Variants in LDB2 observed in about 807,000 individuals in gnomAD.
The protein encoded by LDB2 is LIM domain binding 2, also known as LIM domain-binding protein 2.
Under a neutral mutation model 44.3 loss-of-function variants are expected in LDB2, and 12 were observed. The observed-to-expected ratio is 0.27, with a 90% CI of 0.17 to 0.44. The LOEUF is 0.44. Ranked by LOEUF, LDB2 falls within the 20% of genes least tolerant of loss-of-function variation. The probability of loss-of-function intolerance (pLI) is 1.00; values close to 1 mark genes in which losing one functional copy is unlikely to be tolerated. For missense variants in LDB2, 344 were observed against 473.5 expected (o/e 0.73, Z 2.54); for synonymous variants, 164 against 174.8 (o/e 0.94, Z 0.49).
At chr4:16,736,334 A>T (rs1002366223) in intron 2 of LDB2, among the ~76,000 whole-genome samples, 5 of 152,210 alleles carry the variant, frequency 3.3e-5, no homozygotes, top group Admixed American at 2.6e-4. Flanking sequence ...TAGACTCAAC[A>T]CACAACACTC....
intron 5 of LDB2, among the ~76,000 whole-genome samples, chr4:16,524,510 C>G (rs1727490456): frequency 6.6e-6 from 1 of 152,120 alleles, no homozygotes; most frequent in Non-Finnish European, 1.5e-5. Context: ...CATTGGAAAC[C>G]ACCACATCGT....
chr4:16,879,837 C>A, intron 1 of LDB2, among the ~76,000 whole-genome samples: 1 of 152,244 alleles, frequency 6.6e-6, no homozygotes, highest in Non-Finnish European at 1.5e-5. Flanking sequence ...ACCCTAGAAA[C>A]AGGAAGCCAA....
chr4:16,685,589 A>G (rs1199343695), intron 2 of LDB2, among the ~76,000 whole-genome samples: 1 of 152,192 alleles, frequency 6.6e-6, no homozygotes, highest in African/African-American at 2.4e-5. Flanking sequence ...GAAATTAAGT[A>G]GCAGGGGGAA....
At chr4:16,667,533 C>T (rs967637028) in intron 2 of LDB2, among the ~76,000 whole-genome samples, 4 of 152,302 alleles carry the variant, frequency 2.6e-5, no homozygotes, top group Non-Finnish European at 4.4e-5. Flanking sequence ...CCACCCACTG[C>T]AAAACAGGAG....
intron 2 of LDB2, among the ~76,000 whole-genome samples, chr4:16,705,075 TTC>T (rs1462669202): frequency 4.6e-5 from 7 of 152,184 alleles, no homozygotes; most frequent in Non-Finnish European, 8.8e-5. Flanking sequence ...ATAAAATGAT[TTC>T]TGTTATTAAT....
intron 2 of LDB2, among the ~76,000 whole-genome samples, chr4:16,750,127 C>G: frequency 6.6e-6 from 1 of 152,130 alleles, no homozygotes; most frequent in Admixed American, 6.5e-5. Context: ...TACAATTTTT[C>G]ATTGTTGTGA....
chr4:16,605,837 A>G (rs1262080215), intron 2 of LDB2, among the ~76,000 whole-genome samples: 3 of 152,186 alleles, frequency 2.0e-5, no homozygotes, highest in Admixed American at 1.3e-4. Flanking sequence ...GGAGTCAGGA[A>G]ATGGAGGAGC....
At chr4:16,784,861 A>G (rs1774046678) in intron 1 of LDB2, among the ~76,000 whole-genome samples, 1 of 152,128 alleles carries the variant, frequency 6.6e-6, no homozygotes, top group Non-Finnish European at 1.5e-5. Flanking sequence ...AATGTCAGAA[A>G]ACAATCGTTT....
At chr4:16,508,413 C>T (rs981289213) in intron 7 of LDB2, 122 bp downstream of exon 7, 1 of 911,888 alleles carries the variant, frequency 1.1e-6, no homozygotes, top group South Asian at 2.6e-5. Flanking sequence ...TTTATCCCTC[C>T]CCCACCTCCA....
intron 2 of LDB2, among the ~76,000 whole-genome samples, chr4:16,615,803 A>G (rs1444483704): frequency 3.3e-5 from 5 of 152,222 alleles, no homozygotes; most frequent in Admixed American, 6.5e-5. Context: ...CGTCCTCCCA[A>G]GGCTCCTTAG....
chr4:16,590,126 C>T (rs376556930), intron 3 of LDB2, among the ~76,000 whole-genome samples: 8 of 152,122 alleles, frequency 5.3e-5, no homozygotes, highest in Non-Finnish European at 1.2e-4. Flanking sequence ...GCTTCACTAG[C>T]GGCGGCTTCT....
At chr4:16,740,335 G>T (rs1045495753) in intron 2 of LDB2, among the ~76,000 whole-genome samples, 4 of 152,130 alleles carry the variant, frequency 2.6e-5, no homozygotes, top group Non-Finnish European at 4.4e-5. Context: ...TATTCCTGGC[G>T]CATACTGCCC....
intron 5 of LDB2, among the ~76,000 whole-genome samples, chr4:16,545,544 G>A (rs898596115): frequency 2.0e-5 from 3 of 152,074 alleles, no homozygotes; most frequent in African/African-American, 7.2e-5. Flanking sequence ...GGATAAATCC[G>A]CTTCAATTAT....
intron 5 of LDB2, among the ~76,000 whole-genome samples, chr4:16,515,071 G>A (rs914347295): frequency 2.0e-5 from 3 of 152,206 alleles, no homozygotes; most frequent in African/African-American, 7.2e-5. Flanking sequence ...TAAAGAAAAT[G>A]TGGTACACAT....
intron 1 of LDB2, among the ~76,000 whole-genome samples, chr4:16,760,267 G>A (rs1767603797): frequency 6.6e-6 from 1 of 152,118 alleles, no homozygotes; most frequent in Non-Finnish European, 1.5e-5. Context: ...ACTGAGTCCT[G>A]GCAGAGATAC....
At chr4:16,577,385 A>G (rs1477491119) in intron 5 of LDB2, among the ~76,000 whole-genome samples, 1 of 152,184 alleles carries the variant, frequency 6.6e-6, no homozygotes, top group Non-Finnish European at 1.5e-5. Flanking sequence ...AAAGTTGCGC[A>G]ATACAAAATC....
At chr4:16,870,915 T>C (rs1010172617) in intron 1 of LDB2, among the ~76,000 whole-genome samples, 41 of 152,282 alleles carry the variant, frequency 2.7e-4, no homozygotes, top group Admixed American at 1.7e-3. Flanking sequence ...ATTACAGGCA[T>C]GAGCCACCAT....
At chr4:16,777,965 T>A (rs1212406546) in intron 1 of LDB2, among the ~76,000 whole-genome samples, 1 of 152,196 alleles carries the variant, frequency 6.6e-6, no homozygotes, top group African/African-American at 2.4e-5. Context: ...ATCTTGTCCC[T>A]GCCCTGCCTT....
chr4:16,627,231 T>C (rs1730515362), intron 2 of LDB2, among the ~76,000 whole-genome samples: 1 of 152,214 alleles, frequency 6.6e-6, no homozygotes, highest in African/African-American at 2.4e-5. Flanking sequence ...ACACGTTATA[T>C]GCTTAAAACA....
Sources: allele counts gnomAD v4.1 joint callset (sites outside exome capture counted in the v4.1 genomes callset), GRCh38; gene constraint gnomAD v4.1.1; transcripts MANE v1.5; gene names NCBI Gene and HGNC (gene_info 2026-07-23, HGNC 2026-07-21).